CCDC141: variants seen among roughly 807,000 people sequenced by gnomAD.
The protein encoded by CCDC141 is coiled-coil domain-containing protein 141.
CCDC141 carries 168 observed loss-of-function variants against 181.0 expected under a neutral mutation model. The observed-to-expected ratio is 0.93, with a 90% CI of 0.82 to 1.05. The LOEUF (loss-of-function observed/expected upper bound fraction) is 1.05. Among genes scored for constraint, CCDC141 ranks in the 50% least tolerant of loss-of-function variants. The pLI, the probability that CCDC141 is intolerant of heterozygous loss-of-function variation, is 0.00. For missense variants in CCDC141, 1,902 were observed against 1,788.5 expected, an observed-to-expected ratio of 1.06 and a Z score of -1.14; for synonymous variants, 666 against 642.3, an observed-to-expected ratio of 1.04 and a Z score of -0.56.
At position 178,912,009 on chromosome 2, in the gene CCDC141, C is replaced by T. The variant is rs1172632641; in HGVS notation, c.1093-6508G>A. On this transcript the variant is annotated intron_variant, in intron 7 of 23. Coordinates refer to ENST00000443758, the MANE Select transcript of CCDC141 (RefSeq NM_173648.4). Reference sequence around the variant, plus strand: ...CCCAAGTACCTTGGATCAATATAATCTCCTATGAACAATTTCATGTAGTTG... The same window carrying T: ...CCCAAGTACCTTGGATCAATATAATTTCCTATGAACAATTTCATGTAGTTG... Among the ~76,000 whole-genome samples the T allele has an allele frequency of 3.3e-5, 5 of 152,174 alleles. 1 individual carries two copies. Among genetic ancestry groups the T allele is most frequent in the Non-Finnish European group, 7.3e-5 (5 of 68,030 alleles).
intron 22 of CCDC141, among the ~76,000 whole-genome samples, chr2:178,838,047 A>C (rs1036655132): frequency 1.3e-5 from 2 of 152,174 alleles, no homozygotes; most frequent in African/African-American, 4.8e-5. Context: ...GACTAGATCA[A>C]CATCTTTCAA....
At chr2:179,025,148 G>A (rs2042800223) in intron 2 of CCDC141, among the ~76,000 whole-genome samples, 1 of 151,422 alleles carries the variant, frequency 6.6e-6, no homozygotes, top group Non-Finnish European at 1.5e-5. Context: ...GGATACATGT[G>A]CAGGTTTGTT....
intron 2 of CCDC141, among the ~76,000 whole-genome samples, chr2:179,017,574 C>A (rs2042579533): frequency 6.6e-6 from 1 of 151,994 alleles, no homozygotes; most frequent in Non-Finnish European, 1.5e-5. Context: ...CTAGTTTACA[C>A]AAACTATCCT....
At chr2:178,999,258 T>C (rs1437566173) in intron 2 of CCDC141, among the ~76,000 whole-genome samples, 3 of 152,114 alleles carry the variant, frequency 2.0e-5, no homozygotes, top group Admixed American at 6.5e-5. Flanking sequence ...CAGAAGGGTA[T>C]CTTCATTCTC....
chr2:178,859,267 G>C (rs983409180), intron 17 of CCDC141, among the ~76,000 whole-genome samples: 6 of 152,136 alleles, frequency 3.9e-5, no homozygotes, highest in African/African-American at 1.4e-4. Flanking sequence ...TACCTTCAGC[G>C]ATTGAAAAAT....
the CCDC141 span, among the ~76,000 whole-genome samples, chr2:178,820,374 G>A: frequency 3.9e-5 from 6 of 152,082 alleles, no homozygotes; most frequent in African/African-American, 7.2e-5. Flanking sequence ...ATAAGTTCAC[G>A]CTCAGGGTGG....
intron 2 of CCDC141, among the ~76,000 whole-genome samples, chr2:179,038,567 A>C (rs2043207477): frequency 6.6e-6 from 1 of 152,138 alleles, no homozygotes; most frequent in African/African-American, 2.4e-5. Flanking sequence ...ATTCTTAGTA[A>C]ATATTTCAGA....
At chr2:178,950,007 C>G (rs1441705852) in intron 5 of CCDC141, among the ~76,000 whole-genome samples, 3 of 152,124 alleles carry the variant, frequency 2.0e-5, no homozygotes, top group Non-Finnish European at 1.5e-5. Context: ...TTAAAATATG[C>G]TGGAGGAGGT....
intron 4 of CCDC141, among the ~76,000 whole-genome samples, chr2:178,963,492 T>C (rs978151476): frequency 2.6e-5 from 4 of 152,104 alleles, no homozygotes; most frequent in Non-Finnish European, 5.9e-5. Flanking sequence ...CAGATACTAA[T>C]AAAAATGGAC....
intron 2 of CCDC141, among the ~76,000 whole-genome samples, chr2:178,979,010 C>G (rs927141008): frequency 6.6e-6 from 1 of 152,222 alleles, no homozygotes; most frequent in Admixed American, 6.5e-5. Context: ...GTAATAAGAA[C>G]ACACCCTGAA....
At chr2:179,004,411 T>C (rs573521052) in intron 2 of CCDC141, among the ~76,000 whole-genome samples, 1 of 152,312 alleles carries the variant, frequency 6.6e-6, no homozygotes, top group African/African-American at 2.4e-5. Context: ...ATACAATGCA[T>C]ACAAATGATC....
At chr2:178,916,459 TTTC>T (rs1688450765) in intron 7 of CCDC141, among the ~76,000 whole-genome samples, 1 of 151,842 alleles carries the variant, frequency 6.6e-6, no homozygotes, top group South Asian at 2.1e-4. Flanking sequence ...CAAGAAGAGT[TTTC>T]TTCTTTGAGT....
chr2:179,030,660 T>G (rs2042975992), intron 2 of CCDC141, among the ~76,000 whole-genome samples: 2 of 152,104 alleles, frequency 1.3e-5, no homozygotes, highest in Admixed American at 6.5e-5. Context: ...TTTAAAGAAA[T>G]TACTTTTCTA....
the CCDC141 span, among the ~76,000 whole-genome samples, chr2:178,824,581 T>C: frequency 7.9e-6 from 1 of 126,450 alleles, no homozygotes; most frequent in African/African-American, 3.1e-5. Flanking sequence ...ATCACGCCAC[T>C]GCACTCCAGC....
intron 6 of CCDC141, among the ~76,000 whole-genome samples, chr2:178,921,533 G>GT (rs533465496): frequency 5.1e-4 from 77 of 150,906 alleles, no homozygotes; most frequent in South Asian, 3.4e-3. Flanking sequence ...AGTAAAACAG[G>GT]TTTTTTTTTG....
At chr2:178,860,720 T>A (rs907897405) in intron 17 of CCDC141, among the ~76,000 whole-genome samples, 2 of 151,702 alleles carry the variant, frequency 1.3e-5, no homozygotes, top group Non-Finnish European at 2.9e-5. Flanking sequence ...TCCTTCCATT[T>A]GGCAACCACT....
intron 2 of CCDC141, among the ~76,000 whole-genome samples, chr2:178,998,989 T>A (rs546466289): frequency 6.6e-6 from 1 of 152,156 alleles, no homozygotes. Context: ...GTCGTGAACA[T>A]TGATTGGATT....
At chr2:179,030,765 C>A (rs1214735779) in intron 2 of CCDC141, among the ~76,000 whole-genome samples, 3 of 152,002 alleles carry the variant, frequency 2.0e-5, no homozygotes, top group African/African-American at 7.2e-5. Flanking sequence ...AATATTCCTA[C>A]TCATCCTATG....
At chr2:178,925,529 T>A (rs1360707174) in intron 6 of CCDC141, among the ~76,000 whole-genome samples, 1 of 152,240 alleles carries the variant, frequency 6.6e-6, no homozygotes, top group Non-Finnish European at 1.5e-5. Context: ...TCTTCTTTCT[T>A]CCTTGGTTCA....
Sources: gnomAD v4.1 joint callset for allele counts (sites outside exome capture counted in the v4.1 genomes callset) on GRCh38, gnomAD v4.1.1 for gene constraint, MANE v1.5 for transcripts, NCBI Gene and HGNC (gene_info 2026-07-23, HGNC 2026-07-21) for gene names.